The following CNTNAP2 variants were observed in gnomAD, a reference collection of about 807,000 sequenced individuals.
The protein encoded by CNTNAP2 is contactin associated protein 2.
Under a neutral mutation model 155.2 loss-of-function variants are expected in CNTNAP2, and 98 were observed. That is an observed-to-expected ratio of 0.63 (90% CI 0.54 to 0.75). The LOEUF (loss-of-function observed/expected upper bound fraction) is 0.75, where lower values mean the gene tolerates loss of function less well. CNTNAP2 is among the 30% of genes least tolerant of loss of function. CNTNAP2 has a pLI of 0.00. For synonymous variants in CNTNAP2, 651 were observed against 631.2 expected, an observed-to-expected ratio of 1.03 and a Z score of -0.47; for missense variants, 1,727 against 1,688.1, an observed-to-expected ratio of 1.02 and a Z score of -0.40.
At chr7:147,959,659 A>G (rs1801082360) in intron 14 of CNTNAP2, among the ~76,000 whole-genome samples, 2 of 152,116 alleles carry the variant, frequency 1.3e-5, no homozygotes, top group African/African-American at 2.4e-5. Flanking sequence ...TTTCTAGAAA[A>G]GGGGTAGTAA....
At chr7:146,721,270 A>G (rs957352461) in intron 1 of CNTNAP2, among the ~76,000 whole-genome samples, 41 of 120,396 alleles carry the variant, frequency 3.4e-4, no homozygotes, top group African/African-American at 1.1e-3. Context: ...CTCTCTATAT[A>G]TTCTATATAT....
chr7:146,886,932 G>C (rs1795676748), intron 3 of CNTNAP2, among the ~76,000 whole-genome samples: 1 of 151,608 alleles, frequency 6.6e-6, no homozygotes, highest in Non-Finnish European at 1.5e-5. Context: ...TTGCCAGTGA[G>C]TGACGTCTGC....
intron 21 of CNTNAP2, among the ~76,000 whole-genome samples, chr7:148,382,049 TTC>T (rs1420811812): frequency 6.6e-6 from 1 of 152,238 alleles, no homozygotes; most frequent in Non-Finnish European, 1.5e-5. Flanking sequence ...ACTGGGAATT[TTC>T]CCCAATAGGG....
intron 3 of CNTNAP2, among the ~76,000 whole-genome samples, chr7:146,878,760 T>C (rs1034993488): frequency 6.6e-6 from 1 of 152,096 alleles, no homozygotes; most frequent in Non-Finnish European, 1.5e-5. Flanking sequence ...TTTCCTTGCC[T>C]CCTGACCTTT....
intron 1 of CNTNAP2, among the ~76,000 whole-genome samples, chr7:146,426,180 C>G (rs1262363583): frequency 8.9e-4 from 47 of 53,040 alleles, no homozygotes; most frequent in Admixed American, 2.2e-3. Context: ...AGTGAGACTT[C>G]GCCTCAAAAA....
At chr7:147,004,226 A>C (rs1798482795) in intron 3 of CNTNAP2, among the ~76,000 whole-genome samples, 1 of 147,850 alleles carries the variant, frequency 6.8e-6, no homozygotes. Flanking sequence ...AAAAAAAAAA[A>C]AGAAAAAGAA....
chr7:148,065,371 G>T (rs1204375940), intron 15 of CNTNAP2, among the ~76,000 whole-genome samples: 1 of 152,038 alleles, frequency 6.6e-6, no homozygotes, highest in African/African-American at 2.4e-5. Context: ...GATATCCAGT[G>T]CTGTCAGTGG....
intron 2 of CNTNAP2, among the ~76,000 whole-genome samples, chr7:146,822,700 TTCTTAAGTATAC>T (rs1803312498): frequency 7.0e-6 from 1 of 143,438 alleles, no homozygotes. Context: ...TATATAAATA[TTCTTAAGTATAC>T]ACTTAAATAT....
intron 1 of CNTNAP2, among the ~76,000 whole-genome samples, chr7:146,600,323 A>T (rs1004015494): frequency 6.6e-6 from 1 of 152,198 alleles, no homozygotes; most frequent in Non-Finnish European, 1.5e-5. Flanking sequence ...GCCACATAAA[A>T]TATGTTTAAA....
chr7:147,147,645 A>C (rs1801733690), intron 8 of CNTNAP2, among the ~76,000 whole-genome samples: 1 of 152,076 alleles, frequency 6.6e-6, no homozygotes, highest in Admixed American at 6.5e-5. Context: ...TCAGCTTAGA[A>C]GTTCCTCCTC....
chr7:146,422,305 A>G (rs1035463408), intron 1 of CNTNAP2, among the ~76,000 whole-genome samples: 5 of 150,188 alleles, frequency 3.3e-5, no homozygotes, highest in Admixed American at 6.7e-5. Context: ...AAGAATACAT[A>G]TATAAGAATA....
intron 12 of CNTNAP2, among the ~76,000 whole-genome samples, chr7:147,631,674 C>A (rs1301030005): frequency 2.0e-5 from 3 of 152,002 alleles, no homozygotes. Flanking sequence ...AGAAATATAG[C>A]CAAATATTTA....
chr7:147,099,588 A>G (rs1800614642), intron 4 of CNTNAP2, among the ~76,000 whole-genome samples: 1 of 152,192 alleles, frequency 6.6e-6, no homozygotes, highest in Non-Finnish European at 1.5e-5. Flanking sequence ...GCTTATCACT[A>G]TTTGTAACTA....
rs540130402 is a variant in CNTNAP2, at chr7:146,548,609, T to C, written c.98-225662T>C. 1.2e-4 allele frequency among the ~76,000 whole-genome samples: 19 copies of C among 152,120 alleles called. No homozygotes were observed. In the South Asian group the frequency reaches 3.9e-3, roughly 32 times the overall value. On this transcript the variant is annotated intron_variant, in intron 1 of 23. Coordinates refer to ENST00000361727, the MANE Select transcript of CNTNAP2 (RefSeq NM_014141.6). ...GACTAGTGACGCTAAGCAATCTTCA[T>C]AGGCCTTTGGGCCCTTGTGTGTCTT...
chr7:147,924,143 C>CTTTTTTTTTTTTTTTTTTTTTTT (rs71527854), intron 14 of CNTNAP2, among the ~76,000 whole-genome samples: 18 of 123,476 alleles, frequency 1.5e-4, no homozygotes, highest in East Asian at 2.3e-4. Flanking sequence ...CTTTTCTTTT[C>CTTTTTTTTTTTTTTTTTTTTTTT]TTTTTTTTTT....
chr7:147,638,828 C>T, intron 12 of CNTNAP2: 2 of 548,676 alleles, frequency 3.6e-6, no homozygotes, highest in South Asian at 1.7e-5. Flanking sequence ...AGAGCACCAA[C>T]AAGATACAAA....
intron 1 of CNTNAP2, among the ~76,000 whole-genome samples, chr7:146,230,212 G>T (rs1434861894): frequency 1.3e-5 from 2 of 152,142 alleles, no homozygotes; most frequent in Non-Finnish European, 2.9e-5. Context: ...TAGGACTAAT[G>T]GAAGTGAGTA....
At chr7:146,992,637 A>G (rs75663642) in intron 3 of CNTNAP2, among the ~76,000 whole-genome samples, 6,389 of 152,188 alleles carry the variant, frequency 0.042, 294 homozygotes, top group East Asian at 0.18. Context: ...ACACAGGCCA[A>G]TTAGAGTTTC....
chr7:147,161,266 A>T (rs190410264), intron 8 of CNTNAP2, among the ~76,000 whole-genome samples: 3 of 152,288 alleles, frequency 2.0e-5, no homozygotes, highest in Non-Finnish European at 4.4e-5. Flanking sequence ...CGCAACTCAG[A>T]TTTGCTATAA....
Sources: allele counts gnomAD v4.1 joint callset (sites outside exome capture counted in the v4.1 genomes callset), GRCh38; gene constraint gnomAD v4.1.1; transcripts MANE v1.5; gene names NCBI Gene and HGNC (gene_info 2026-07-23, HGNC 2026-07-21).